The following ZFR variants were observed in gnomAD, a reference collection of about 807,000 sequenced individuals.
ZFR encodes the protein zinc finger RNA binding protein.
A neutral mutation model predicts 130.7 loss-of-function variants in ZFR; 19 were observed. The ratio of observed to expected loss-of-function variants is 0.15; its 90% CI spans 0.10 to 0.21. The LOEUF (loss-of-function observed/expected upper bound fraction) is 0.21, where lower values mean the gene tolerates loss of function less well. Among genes scored for constraint, ZFR ranks in the 10% least tolerant of loss-of-function variants. The pLI is 1.00. For synonymous variants in ZFR, 466 were observed against 456.9 expected (o/e 1.02, Z -0.25); for missense variants, 872 against 1,321.5 (o/e 0.66, Z 5.27).
intron 4 of ZFR, among the ~76,000 whole-genome samples, chr5:32,415,485 A>AGTGTGTGT (rs3065262): frequency 0.06 from 8,103 of 135,956 alleles, 261 homozygotes; most frequent in East Asian, 0.12. Flanking sequence ...TCTGAAAAGG[A>AGTGTGTGT]GTGTGTGTGT....
rs879068997 is a variant in ZFR at position 32,397,354 on chromosome 5, A to C, written c.1714-16T>G. 1 of 1,607,170 alleles carries C rather than the reference A, an allele frequency of 6.2e-7. No homozygotes were observed. Among genetic ancestry groups the C allele is most frequent in the South Asian group, 1.1e-5 (1 of 89,044 alleles). ...CATTTCGTACCTTGGTGTGGAAAAA[A>C]AATTCAAGAATCATCATAGTTGAAG... On this transcript the variant is annotated splice_polypyrimidine_tract_variant and intron_variant, in intron 9 of 19. Transcript: ENST00000265069.
At chr5:32,433,892 G>A (rs1754275078) in intron 2 of ZFR, among the ~76,000 whole-genome samples, 1 of 152,038 alleles carries the variant, frequency 6.6e-6, no homozygotes, top group Non-Finnish European at 1.5e-5. Flanking sequence ...ACCAACCTGG[G>A]CAACATGGCA....
rs1194276071 is a variant in ZFR, at chr5:32,354,953, C to G, written c.*807G>C. The stretch of plus-strand genomic sequence containing the variant: ...GTCAAAAAGTCAACTGTACAAAGAT[C>G]TACGTGTTAAACCTAAAATTATGAT... On this transcript the variant is annotated 3_prime_UTR_variant, in exon 20 of 20. Coordinates refer to ENST00000265069, the MANE Select transcript of ZFR (RefSeq NM_016107.5). 1 of 152,160 alleles carries G rather than the reference C, an allele frequency of 6.6e-6. No individual in the cohort carries two copies. Among genetic ancestry groups the G allele is most frequent in the Non-Finnish European group, 1.5e-5 (1 of 68,020 alleles). 9.4% of individuals were successfully genotyped at this position (152,160 alleles called of 1,614,324 possible).
intron 17 of ZFR, among the ~76,000 whole-genome samples, chr5:32,368,624 A>G (rs1752598327): frequency 6.6e-6 from 1 of 152,236 alleles, no homozygotes; most frequent in Non-Finnish European, 1.5e-5. Flanking sequence ...GAAAAGCACA[A>G]AAAATATTCT....
At chr5:32,383,195 G>A (rs964885231) in intron 15 of ZFR, among the ~76,000 whole-genome samples, 2 of 152,108 alleles carry the variant, frequency 1.3e-5, no homozygotes, top group Non-Finnish European at 2.9e-5. Context: ...GCCACACAAA[G>A]GACAATAAAT....
intron 15 of ZFR, chr5:32,383,849 G>A (rs917446556): frequency 1.1e-5 from 5 of 455,870 alleles, no homozygotes; most frequent in Non-Finnish European, 1.3e-5. Context: ...AACACTATCA[G>A]TGTTTCTACA....
intron 11 of ZFR, among the ~76,000 whole-genome samples, chr5:32,394,181 T>C (rs1425671342): frequency 6.6e-6 from 1 of 152,236 alleles, no homozygotes; most frequent in Non-Finnish European, 1.5e-5. Flanking sequence ...ATACTCATAA[T>C]AGTCAAAATG....
chr5:32,430,450 G>T (rs1043152153), intron 2 of ZFR, among the ~76,000 whole-genome samples: 2 of 151,924 alleles, frequency 1.3e-5, no homozygotes, highest in African/African-American at 4.8e-5. Context: ...ACATTAAAGA[G>T]ATTAAAATAC....
chr5:32,418,940 A>T (rs1343901351), intron 3 of ZFR, among the ~76,000 whole-genome samples: 2 of 152,228 alleles, frequency 1.3e-5, no homozygotes, highest in African/African-American at 4.8e-5. Flanking sequence ...GAATTCCTAT[A>T]AGACTGAGTA....
chr5:32,379,482 C>T, intron 16 of ZFR: 1 of 200,812 alleles, frequency 5.0e-6, no homozygotes, highest in Non-Finnish European at 8.3e-6. Context: ...TCATTTAAAA[C>T]AGTAAACTTA....
intron 5 of ZFR, among the ~76,000 whole-genome samples, chr5:32,409,301 G>T: frequency 6.6e-6 from 1 of 151,998 alleles, no homozygotes; most frequent in African/African-American, 2.4e-5. Context: ...AATTTAAAAC[G>T]TTCTCTTAAA....
intron 2 of ZFR, among the ~76,000 whole-genome samples, chr5:32,424,532 C>CA (rs575935210): frequency 0.075 from 4,617 of 61,620 alleles, 124 homozygotes; most frequent in African/African-American, 0.15. Flanking sequence ...GACTCCGTCT[C>CA]AAAAAAAAAA....
intron 2 of ZFR, among the ~76,000 whole-genome samples, chr5:32,437,147 C>G (rs1460432036): frequency 6.6e-6 from 1 of 152,116 alleles, no homozygotes; most frequent in African/African-American, 2.4e-5. Context: ...CCTTGATTTT[C>G]AGAATGAAAG....
At chr5:32,424,680 C>T (rs1036340836) in intron 2 of ZFR, among the ~76,000 whole-genome samples, 29 of 152,198 alleles carry the variant, frequency 1.9e-4, no homozygotes, top group Admixed American at 8.5e-4. Flanking sequence ...TGAACTTGAG[C>T]CTAGGAAGAT....
intron 2 of ZFR, among the ~76,000 whole-genome samples, chr5:32,425,550 C>T (rs570122854): frequency 3.3e-5 from 5 of 152,222 alleles, no homozygotes; most frequent in South Asian, 2.1e-4. Context: ...CTTTTTGAGT[C>T]GGAGTCTCAC....
At chr5:32,416,592 C>A (rs532980071) in intron 4 of ZFR, among the ~76,000 whole-genome samples, 3 of 125,400 alleles carry the variant, frequency 2.4e-5, no homozygotes, top group Non-Finnish European at 3.2e-5. Flanking sequence ...CCAGCCTGGG[C>A]GACAAGAGTG....
At chr5:32,404,166 C>T in intron 6 of ZFR, 69 bp from the exon 7 acceptor site, 1 of 1,379,788 alleles carries the variant, frequency 7.2e-7, no homozygotes, top group Middle Eastern at 2.4e-4. Flanking sequence ...ATTCAATTCT[C>T]AAGAAATCTC....
chr5:32,402,289 A>T (rs1396195961), intron 8 of ZFR, among the ~76,000 whole-genome samples: 1 of 152,208 alleles, frequency 6.6e-6, no homozygotes, highest in Admixed American at 6.5e-5. Flanking sequence ...ACAGAGATGT[A>T]TCTTAAGCCT....
intron 3 of ZFR, 41 bp downstream of exon 3, chr5:32,419,780 A>C: frequency 6.5e-7 from 1 of 1,542,040 alleles, no homozygotes; most frequent in Non-Finnish European, 8.7e-7. Flanking sequence ...AAGACAAAGA[A>C]ACCCGCACAT....
Sources: allele counts gnomAD v4.1 joint callset (sites outside exome capture counted in the v4.1 genomes callset), GRCh38; gene constraint gnomAD v4.1.1; transcripts MANE v1.5; gene names NCBI Gene and HGNC (gene_info 2026-07-23, HGNC 2026-07-21).